The following ATE1 variants were observed in gnomAD, a reference collection of about 807,000 sequenced individuals.
ATE1 encodes the protein arginyl-tRNA--protein transferase 1.
ATE1 carries 36 observed loss-of-function variants against 70.5 expected under a neutral mutation model. The observed-to-expected ratio is 0.51, with a 90% confidence interval of 0.39 to 0.67. The LOEUF (loss-of-function observed/expected upper bound fraction) is 0.67. Among genes scored for constraint, ATE1 ranks in the 30% least tolerant of loss-of-function variants. The probability of loss-of-function intolerance (pLI) is 0.00; values close to 1 mark genes in which losing one functional copy is unlikely to be tolerated. For missense variants in ATE1, 593 were observed against 629.5 expected (o/e 0.94, Z 0.62); for synonymous variants, 232 against 219.3 (o/e 1.06, Z -0.51).
chr10:121,766,269 G>C (rs1945273346), intron 11 of ATE1, among the ~76,000 whole-genome samples: 1 of 152,172 alleles, frequency 6.6e-6, no homozygotes, highest in Admixed American at 6.5e-5. Flanking sequence ...TCATGGTGGA[G>C]TCAGACGTGC....
chr10:121,758,289 G>A (rs903817137), intron 11 of ATE1, among the ~76,000 whole-genome samples: 1 of 152,140 alleles, frequency 6.6e-6, no homozygotes, highest in South Asian at 2.1e-4. Context: ...TTACCATGAT[G>A]GTAAATGGAC....
intron 10 of ATE1, among the ~76,000 whole-genome samples, chr10:121,793,393 TC>T (rs1319511275): frequency 6.6e-6 from 1 of 152,230 alleles, no homozygotes; most frequent in Non-Finnish European, 1.5e-5. Flanking sequence ...ATAAATTCCT[TC>T]AACTGGGAAT....
intron 10 of ATE1, among the ~76,000 whole-genome samples, chr10:121,826,634 G>A (rs1948028678): frequency 6.6e-6 from 1 of 152,114 alleles, no homozygotes; most frequent in Non-Finnish European, 1.5e-5. Context: ...TTTTATTTTA[G>A]AATCAGAGGG....
intron 2 of ATE1, among the ~76,000 whole-genome samples, chr10:121,922,766 G>T (rs1951932636): frequency 6.6e-6 from 1 of 152,132 alleles, no homozygotes; most frequent in Admixed American, 6.6e-5. Flanking sequence ...TGTGATGCCT[G>T]TGACAACCAC....
intron 9 of ATE1, 115 bp from the exon 10 acceptor site, chr10:121,836,932 A>G: frequency 1.5e-6 from 1 of 648,876 alleles, no homozygotes; most frequent in Non-Finnish European, 2.7e-6. Context: ...CTATCAAAAA[A>G]TTACAAATAT....
chr10:121,902,690 G>T (rs983984685), intron 5 of ATE1, 70 bp from the exon 6 acceptor site: 4 of 1,424,292 alleles, frequency 2.8e-6, no homozygotes, highest in Middle Eastern at 3.6e-4. Context: ...ATGTCTCAAA[G>T]ATTCTACAGT....
rs539527010 is a variant in ATE1, at chr10:121,876,083, A to G, written c.943-6045T>C. Among the ~76,000 whole-genome samples the G allele has an allele frequency of 1.2e-3, 188 of 152,286 alleles. 1 individual carries two copies. The highest frequency in any genetic ancestry group is 4.2e-3 in the African/African-American group (173 of 41,556). Reference sequence around the variant, plus strand: ...AATGGCAGAAAATCCAATACTATCAATGAATTATTCGCCCTTTTTTTCCCC... The same window carrying G: ...AATGGCAGAAAATCCAATACTATCAGTGAATTATTCGCCCTTTTTTTCCCC... On this transcript the variant is annotated intron_variant, in intron 7 of 11. Coordinates refer to ENST00000224652, the MANE Select transcript of ATE1 (RefSeq NM_001001976.3).
At chr10:121,746,162 A>G (rs1944361886) in intron 11 of ATE1, among the ~76,000 whole-genome samples, 3 of 151,816 alleles carry the variant, frequency 2.0e-5, no homozygotes, top group Admixed American at 2.0e-4. Context: ...TAGAAAATCC[A>G]CTCTAGTTCT....
chr10:121,903,098 A>C (rs72838088), intron 5 of ATE1, among the ~76,000 whole-genome samples: 2,269 of 116,406 alleles, frequency 0.019, 32 homozygotes, highest in East Asian at 0.024. Flanking sequence ...ACTCCCTTGG[A>C]CAGACTGGTC....
chr10:121,867,563 C>T (rs1949705941), intron 8 of ATE1, among the ~76,000 whole-genome samples: 1 of 152,128 alleles, frequency 6.6e-6, no homozygotes, highest in African/African-American at 2.4e-5. Flanking sequence ...CGTTGTACAC[C>T]TGTCAAACAC....
intron 11 of ATE1, among the ~76,000 whole-genome samples, chr10:121,779,807 G>A (rs1168054203): frequency 6.6e-6 from 1 of 152,032 alleles, no homozygotes; most frequent in Non-Finnish European, 1.5e-5. Context: ...CACGATTCTA[G>A]TCCCACTAAA....
At chr10:121,927,505 G>A (rs1025272660) in intron 1 of ATE1, 3 of 985,292 alleles carry the variant, frequency 3.0e-6, no homozygotes, top group Non-Finnish European at 3.6e-6. Context: ...GCACCCACCG[G>A]TCAGCCCCGG....
At chr10:121,812,237 T>C (rs1460028327) in intron 10 of ATE1, among the ~76,000 whole-genome samples, 1 of 152,148 alleles carries the variant, frequency 6.6e-6, no homozygotes, top group African/African-American at 2.4e-5. Flanking sequence ...ATTACAGGCA[T>C]GAGCCACTGC....
At chr10:121,828,885 C>T (rs1948126827) in intron 10 of ATE1, among the ~76,000 whole-genome samples, 1 of 152,190 alleles carries the variant, frequency 6.6e-6, no homozygotes, top group Non-Finnish European at 1.5e-5. Flanking sequence ...ATTTGCTTTA[C>T]ATCATACAAT....
intron 5 of ATE1, among the ~76,000 whole-genome samples, chr10:121,903,066 A>ACGT (rs1342605554): frequency 9.1e-5 from 9 of 98,458 alleles, no homozygotes; most frequent in Non-Finnish European, 2.0e-4. Context: ...GAGTTTCACC[A>ACGT]TGTTGGCCAG....
At chr10:121,800,807 T>C (rs1049252742) in intron 10 of ATE1, among the ~76,000 whole-genome samples, 15 of 152,064 alleles carry the variant, frequency 9.9e-5, no homozygotes, top group Admixed American at 3.9e-4. Context: ...TAAACAAAAG[T>C]AGTTCAAAAT....
chr10:121,859,737 T>C (rs1949401216), intron 8 of ATE1, among the ~76,000 whole-genome samples: 1 of 150,286 alleles, frequency 6.7e-6, no homozygotes, highest in Non-Finnish European at 1.5e-5. Flanking sequence ...AGGTCGGGAG[T>C]TCAAGACCAA....
intron 10 of ATE1, among the ~76,000 whole-genome samples, chr10:121,819,862 C>T (rs1302037044): frequency 6.6e-6 from 1 of 150,724 alleles, no homozygotes; most frequent in Non-Finnish European, 1.5e-5. Context: ...AAAAGTAAAA[C>T]AGGCCGGGCG....
At chr10:121,890,345 A>G (rs1950538700) in intron 7 of ATE1, among the ~76,000 whole-genome samples, 1 of 152,228 alleles carries the variant, frequency 6.6e-6, no homozygotes, top group Non-Finnish European at 1.5e-5. Flanking sequence ...CGTCTTGTAG[A>G]AGCACATCTC....
Sources: gnomAD v4.1 joint callset for allele counts (sites outside exome capture counted in the v4.1 genomes callset) on GRCh38, gnomAD v4.1.1 for gene constraint, MANE v1.5 for transcripts, NCBI Gene and HGNC (gene_info 2026-07-23, HGNC 2026-07-21) for gene names.